The following FRAS1 variants were observed in gnomAD, a reference collection of about 807,000 sequenced individuals.
FRAS1 encodes the protein extracellular matrix organizing protein FRAS1.
FRAS1 carries 290 observed loss-of-function variants against 435.2 expected under a neutral mutation model. That is an observed-to-expected ratio of 0.67 (90% CI 0.61 to 0.73). FRAS1 has a LOEUF of 0.73. Among genes scored for constraint, FRAS1 ranks in the 30% least tolerant of loss-of-function variants. The pLI is 0.00. For synonymous variants in FRAS1, 1,800 were observed against 1,851.0 expected (o/e 0.97, Z 0.71); for missense variants, 4,860 against 5,001.5 (o/e 0.97, Z 0.85).
intron 20 of FRAS1, among the ~76,000 whole-genome samples, chr4:78,347,366 C>A (rs1730645106): frequency 6.6e-6 from 1 of 152,200 alleles, no homozygotes. Flanking sequence ...CTCTCCTAGT[C>A]CTTCCCAAGA....
chr4:78,284,510 G>A lies in FRAS1; in HGVS notation c.1361G>A (p.Cys454Tyr). 1 of 1,612,292 alleles carries A rather than the reference G, an allele frequency of 6.2e-7. No individual in the cohort carries two copies. The highest frequency in any genetic ancestry group is 8.5e-7 in the Non-Finnish European group (1 of 1,179,176). ...CAGAATGGATGGTGTGTGCACAGCT[G>A]TGGACTGGGTTTTTACCAAGCTGGC... ...LLQNGWCVHS[C>Y]GLGFYQAGSL... is the part of the protein sequence containing the mutation. The change falls in exon 13 of 74, where the codon TGT (cysteine) becomes TAT (tyrosine). Residue 454 changes from cysteine to tyrosine, a missense_variant. Cys to Tyr is a radical substitution (Grantham distance 194). Coordinates refer to ENST00000512123, the MANE Select transcript of FRAS1 (RefSeq NM_025074.7).
intron 50 of FRAS1, among the ~76,000 whole-genome samples, chr4:78,469,286 C>T (rs1238035543): frequency 6.6e-6 from 1 of 152,162 alleles, no homozygotes; most frequent in Admixed American, 6.5e-5. Context: ...TTGCTGTATC[C>T]ACCCAGGAAC....
intron 6 of FRAS1, among the ~76,000 whole-genome samples, chr4:78,258,279 T>G (rs944411425): frequency 1.3e-5 from 2 of 150,566 alleles, no homozygotes; most frequent in African/African-American, 4.9e-5. Flanking sequence ...AGGTTGAGGC[T>G]GCAGTGAGCC....
At chr4:78,200,337 G>A (rs994286225) in intron 2 of FRAS1, among the ~76,000 whole-genome samples, 7 of 152,150 alleles carry the variant, frequency 4.6e-5, no homozygotes, top group African/African-American at 1.4e-4. Context: ...GGATATATGA[G>A]CCTGTGCCTT....
chr4:78,427,644 G>T (rs1015233064), intron 35 of FRAS1, among the ~76,000 whole-genome samples: 1 of 152,190 alleles, frequency 6.6e-6, no homozygotes, highest in Non-Finnish European at 1.5e-5. Context: ...CAAATGTAAA[G>T]AAGCAATGAC....
At chr4:78,124,712 T>A (rs1409484165) in intron 2 of FRAS1, among the ~76,000 whole-genome samples, 1 of 152,224 alleles carries the variant, frequency 6.6e-6, no homozygotes, top group Non-Finnish European at 1.5e-5. Flanking sequence ...GGAGGGTGTA[T>A]GTGTCCAGGA....
chr4:78,385,876 C>T (rs1022820942), intron 28 of FRAS1, among the ~76,000 whole-genome samples: 4 of 147,590 alleles, frequency 2.7e-5, no homozygotes, highest in Non-Finnish European at 4.5e-5. Context: ...CAGAGTGAGA[C>T]TCTGTCTAAA....
chr4:78,330,454 T>G (rs1729900272), intron 18 of FRAS1, among the ~76,000 whole-genome samples: 2 of 152,240 alleles, frequency 1.3e-5, no homozygotes, highest in Non-Finnish European at 2.9e-5. Flanking sequence ...AGAGATAACC[T>G]TAAACTCTGA....
At chr4:78,058,114 G>GTGTA in intron 1 of FRAS1, 29 bp downstream of exon 1, 1 of 1,577,584 alleles carries the variant, frequency 6.3e-7, no homozygotes, top group South Asian at 1.1e-5. Flanking sequence ...GTGTGTGTGT[G>GTGTA]TGTGTGCGTG....
chr4:78,496,272 G>A (rs78254673), intron 59 of FRAS1, among the ~76,000 whole-genome samples: 1,736 of 152,252 alleles, frequency 0.011, 29 homozygotes, highest in African/African-American at 0.04. Flanking sequence ...TTTCAGATGA[G>A]ATATCATTTG....
intron 10 of FRAS1, among the ~76,000 whole-genome samples, chr4:78,280,193 ATTC>A (rs1370193296): frequency 2.0e-5 from 3 of 152,206 alleles, no homozygotes; most frequent in African/African-American, 7.2e-5. Context: ...TCTTTGGCAT[ATTC>A]AAGTTGCCAG....
In FRAS1 at chr4:78,161,742, C is replaced by CAAAAAAAAAAAAAAAAAAAAAAAAAA. The variant is rs71214399; in HGVS notation, c.109-75763_109-75738dup. On this transcript the variant is annotated intron_variant, in intron 2 of 73. Transcript: ENST00000512123. The stretch of plus-strand genomic sequence containing the variant: ...GGGCAACAAGAGCAAAACTCTGTCT[C>CAAAAAAAAAAAAAAAAAAAAAAAAAA]AAAAAAAAAAAAAAAAAAAAAAAAA... Among the ~76,000 whole-genome samples the CAAAAAAAAAAAAAAAAAAAAAAAAAA allele has an allele frequency of 2.4e-4, 6 of 24,880 alleles. 1 individual carries two copies. The highest frequency in any genetic ancestry group is 9.8e-4 in the African/African-American group (5 of 5,092). 16.3% of individuals were successfully genotyped at this position (24,880 alleles called of 152,430 possible). A position where few individuals can be genotyped will look rare whatever the true frequency, so the allele number is the denominator to read the frequency against.
At chr4:78,448,031 T>C (rs1350942645) in intron 43 of FRAS1, 22 bp from the exon 44 acceptor site, 4 of 1,564,146 alleles carry the variant, frequency 2.6e-6, no homozygotes, top group Non-Finnish European at 3.5e-6. Context: ...ATTGTTTTGC[T>C]TTTCTTTACC....
At position 78,464,518 on chromosome 4, in the gene FRAS1, G is replaced by A. The variant is rs562558691; in HGVS notation, c.6964G>A (p.Val2322Met). The A allele has an allele frequency of 1.9e-6, 3 of 1,613,840 alleles. No individual in the cohort carries two copies. The highest frequency in any genetic ancestry group is 1.3e-5 in the African/African-American group (1 of 74,904). ...LPVVQNLGMR[V>M]QEGMRKTITE... Reference sequence around the variant, plus strand: ...CGTCGTACAGAACTTAGGAATGCGGGTGCAGGAGGGCATGAGGAAGACCAT... The same window carrying A: ...CGTCGTACAGAACTTAGGAATGCGGATGCAGGAGGGCATGAGGAAGACCAT... The change falls in exon 49 of 74, where the codon GTG becomes ATG. Residue 2322 changes from valine (V) to methionine (M), a missense_variant. Coordinates refer to ENST00000512123, the MANE Select transcript of FRAS1 (RefSeq NM_025074.7).
At chr4:78,337,403 G>GATC (rs1189710958) in intron 19 of FRAS1, among the ~76,000 whole-genome samples, 3 of 152,316 alleles carry the variant, frequency 2.0e-5, no homozygotes, top group African/African-American at 7.2e-5. Flanking sequence ...AGATGGAGAT[G>GATC]ATCATGCTGG....
At chr4:78,437,687 T>G (rs1423448312) in intron 38 of FRAS1, among the ~76,000 whole-genome samples, 1 of 152,208 alleles carries the variant, frequency 6.6e-6, no homozygotes, top group African/African-American at 2.4e-5. Flanking sequence ...AAATTTGCTT[T>G]TGAAAGTACA....
intron 63 of FRAS1, 52 bp from the exon 64 acceptor site, chr4:78,511,222 G>A (rs1475772951): frequency 7.3e-7 from 1 of 1,365,778 alleles, no homozygotes; most frequent in African/African-American, 1.5e-5. Context: ...ATCATGTAAG[G>A]AGCTGTTTAA....
intron 9 of FRAS1, among the ~76,000 whole-genome samples, chr4:78,270,104 C>A (rs1402577598): frequency 6.6e-6 from 1 of 152,138 alleles, no homozygotes; most frequent in Non-Finnish European, 1.5e-5. Context: ...CAATTTTAGT[C>A]AAAAGTCAAA....
intron 2 of FRAS1, among the ~76,000 whole-genome samples, chr4:78,228,805 G>A (rs939351761): frequency 5.9e-5 from 9 of 152,064 alleles, no homozygotes; most frequent in East Asian, 1.9e-4. Flanking sequence ...AACATTTATC[G>A]AGTACTTTCT....
Sources: allele counts gnomAD v4.1 joint callset (sites outside exome capture counted in the v4.1 genomes callset), GRCh38; gene constraint gnomAD v4.1.1; transcripts MANE v1.5; gene names NCBI Gene and HGNC (gene_info 2026-07-23, HGNC 2026-07-21).